NEGR1: variants seen among roughly 807,000 people sequenced by gnomAD.
NEGR1 encodes IgLON family member 4.
In NEGR1, 10 loss-of-function variants were observed where a neutral mutation model predicts 40.9. The observed-to-expected ratio is 0.24, with a 90% CI of 0.15 to 0.42. The LOEUF (loss-of-function observed/expected upper bound fraction) is 0.42. NEGR1 is among the 10% of genes least tolerant of loss of function. NEGR1 has a pLI of 1.00. For missense variants in NEGR1, 352 were observed against 438.9 expected, an observed-to-expected ratio of 0.80 and a Z score of 1.77; for synonymous variants, 185 against 166.8, an observed-to-expected ratio of 1.11 and a Z score of -0.84.
intron 1 of NEGR1, among the ~76,000 whole-genome samples, chr1:72,256,686 A>C (rs967363757): frequency 1.3e-5 from 2 of 152,230 alleles, no homozygotes; most frequent in African/African-American, 4.8e-5. Context: ...GTGCATAAAC[A>C]AAAATGTTAG....
intron 3 of NEGR1, among the ~76,000 whole-genome samples, chr1:71,764,803 A>T (rs1656064829): frequency 6.6e-6 from 1 of 152,212 alleles, no homozygotes; most frequent in Non-Finnish European, 1.5e-5. Flanking sequence ...AGCAAATTGG[A>T]AAGGTGAAAA....
At chr1:71,534,640 G>T (rs1488067254) in intron 6 of NEGR1, among the ~76,000 whole-genome samples, 1 of 151,692 alleles carries the variant, frequency 6.6e-6, no homozygotes, top group South Asian at 2.1e-4. Flanking sequence ...TCTTACTAAG[G>T]AGAGTCTGTA....
intron 3 of NEGR1, among the ~76,000 whole-genome samples, chr1:71,730,493 C>A (rs921349027): frequency 6.7e-6 from 1 of 148,310 alleles, no homozygotes; most frequent in Non-Finnish European, 1.5e-5. Context: ...AAATTACTAT[C>A]ATAATTTTAT....
At chr1:71,669,501 T>C (rs1370937231) in intron 4 of NEGR1, among the ~76,000 whole-genome samples, 1 of 152,168 alleles carries the variant, frequency 6.6e-6, no homozygotes, top group Non-Finnish European at 1.5e-5. Context: ...TCTTTTGATG[T>C]TTTTACTGGA....
At chr1:71,772,319 A>T (rs765433151) in intron 3 of NEGR1, among the ~76,000 whole-genome samples, 6 of 152,024 alleles carry the variant, frequency 3.9e-5, no homozygotes, top group Non-Finnish European at 1.5e-5. Context: ...TGGGAGCATC[A>T]CTTAAATCCA....
intron 1 of NEGR1, among the ~76,000 whole-genome samples, chr1:72,060,813 T>G (rs1380492700): frequency 6.6e-6 from 1 of 151,680 alleles, no homozygotes; most frequent in Non-Finnish European, 1.5e-5. Context: ...TTCTGGTCAT[T>G]AAGCAGGGCT....
intron 1 of NEGR1, among the ~76,000 whole-genome samples, chr1:72,227,241 T>C (rs936240799): frequency 2.0e-5 from 3 of 152,062 alleles, no homozygotes; most frequent in African/African-American, 7.2e-5. Context: ...AGTAATGTTA[T>C]GAAACATAAT....
chr1:71,732,274 T>C (rs1046161102), intron 3 of NEGR1, among the ~76,000 whole-genome samples: 1 of 151,988 alleles, frequency 6.6e-6, no homozygotes, highest in Admixed American at 6.6e-5. Flanking sequence ...CAAGCCGAGA[T>C]TGTAGCACTG....
intron 5 of NEGR1, among the ~76,000 whole-genome samples, chr1:71,595,871 A>G (rs59263876): frequency 0.043 from 6,523 of 152,250 alleles, 335 homozygotes; most frequent in African/African-American, 0.11. Flanking sequence ...AAACCAAATA[A>G]TGATAAAAGA....
chr1:71,926,140 C>T (rs1645770181), intron 2 of NEGR1, among the ~76,000 whole-genome samples: 1 of 151,996 alleles, frequency 6.6e-6, no homozygotes, highest in African/African-American at 2.4e-5. Flanking sequence ...ATTAAAGGGA[C>T]TTTTAAAAGC....
At chr1:71,929,646 A>T (rs560835909) in intron 2 of NEGR1, among the ~76,000 whole-genome samples, 19 of 151,518 alleles carry the variant, frequency 1.3e-4, no homozygotes, top group Non-Finnish European at 2.9e-5. Context: ...GACTTGTTGA[A>T]AATTTTGAAA....
At chr1:72,154,752 C>A (rs1227648161) in intron 1 of NEGR1, among the ~76,000 whole-genome samples, 1 of 151,896 alleles carries the variant, frequency 6.6e-6, no homozygotes, top group East Asian at 1.9e-4. Flanking sequence ...ACTTACAGGG[C>A]AAATCTGAGC....
At chr1:71,550,296 T>C (rs1329130301) in intron 6 of NEGR1, among the ~76,000 whole-genome samples, 1 of 151,642 alleles carries the variant, frequency 6.6e-6, no homozygotes, top group Non-Finnish European at 1.5e-5. Flanking sequence ...TATGTTGATC[T>C]ATAAATGGCA....
chr1:71,897,580 G>GA (rs1308816082), intron 2 of NEGR1, among the ~76,000 whole-genome samples: 1 of 152,094 alleles, frequency 6.6e-6, no homozygotes, highest in Non-Finnish European at 1.5e-5. Flanking sequence ...AAAAGAAAGA[G>GA]AAAAACGTAG....
At chr1:72,154,365 C>T (rs1049981767) in intron 1 of NEGR1, among the ~76,000 whole-genome samples, 1 of 151,874 alleles carries the variant, frequency 6.6e-6, no homozygotes, top group African/African-American at 2.4e-5. Context: ...CCATGAATGG[C>T]TAATTGTTGT....
intron 4 of NEGR1, among the ~76,000 whole-genome samples, chr1:71,658,952 T>A (rs1269235141): frequency 1.3e-5 from 2 of 152,186 alleles, no homozygotes; most frequent in Non-Finnish European, 2.9e-5. Context: ...TGATTATTAT[T>A]TTTGTGTCAT....
At chr1:71,482,826 C>T (rs931085614) in intron 6 of NEGR1, among the ~76,000 whole-genome samples, 1 of 151,806 alleles carries the variant, frequency 6.6e-6, no homozygotes, top group African/African-American at 2.4e-5. Flanking sequence ...TAATTGACAG[C>T]TAACTATATA....
intron 4 of NEGR1, among the ~76,000 whole-genome samples, chr1:71,680,084 T>C (rs1165830339): frequency 6.6e-6 from 1 of 152,014 alleles, no homozygotes; most frequent in Non-Finnish European, 1.5e-5. Flanking sequence ...TATTATTTCC[T>C]TCTAATCTCA....
intron 2 of NEGR1, among the ~76,000 whole-genome samples, chr1:71,826,309 TAG>T (rs1407179193): frequency 6.6e-6 from 1 of 151,966 alleles, no homozygotes; most frequent in Non-Finnish European, 1.5e-5. Context: ...TTCATGATGA[TAG>T]AGTTTTGATT....
Sources: allele counts gnomAD v4.1 joint callset (sites outside exome capture counted in the v4.1 genomes callset), GRCh38; gene constraint gnomAD v4.1.1; transcripts MANE v1.5; gene names NCBI Gene and HGNC (gene_info 2026-07-23, HGNC 2026-07-21).